RXYLT1: variants seen among roughly 807,000 people sequenced by gnomAD.
The protein encoded by RXYLT1 is ribitol-5-phosphate xylosyltransferase 1.
Under a neutral mutation model 43.5 loss-of-function variants are expected in RXYLT1, and 41 were observed. That is an observed-to-expected ratio of 0.94 (90% CI 0.73 to 1.22). RXYLT1 has a LOEUF of 1.22. Among genes scored for constraint, RXYLT1 ranks in the 50% most tolerant of loss-of-function variants. The pLI is 0.00. For missense variants in RXYLT1, 514 were observed against 532.0 expected, an observed-to-expected ratio of 0.97 and a Z score of 0.33; for synonymous variants, 166 against 194.4, an observed-to-expected ratio of 0.85 and a Z score of 1.21.
chr12:63,797,102 T>A (rs1898052219), intron 3 of RXYLT1, among the ~76,000 whole-genome samples: 1 of 151,932 alleles, frequency 6.6e-6, no homozygotes, highest in African/African-American at 2.4e-5. Context: ...TAGCTGGGAT[T>A]ACAGGCACCT....
chr12:63,784,405 G>A (rs1451770494), intron 2 of RXYLT1, among the ~76,000 whole-genome samples: 1 of 152,144 alleles, frequency 6.6e-6, no homozygotes, highest in Admixed American at 6.5e-5. Context: ...GTGAAATCAT[G>A]ATAAAACATC....
At chr12:63,799,297 CTTTTCTTTTT>C (rs1898103666) in intron 3 of RXYLT1, among the ~76,000 whole-genome samples, 2 of 118,398 alleles carry the variant, frequency 1.7e-5, no homozygotes, top group Non-Finnish European at 3.5e-5. Context: ...TTTTTCTTTT[CTTTTCTTTTT>C]TTTTTTTTTT....
chr12:63,780,295 T>A (rs1897648762), intron 1 of RXYLT1, 166 bp downstream of exon 1: 2 of 1,356,782 alleles, frequency 1.5e-6, no homozygotes, highest in East Asian at 6.1e-5. Context: ...GGCTCGGAAT[T>A]GGAGAATGGT....
At chr12:63,795,071 A>G (rs945994987) in intron 3 of RXYLT1, among the ~76,000 whole-genome samples, 1 of 152,030 alleles carries the variant, frequency 6.6e-6, no homozygotes, top group Non-Finnish European at 1.5e-5. Flanking sequence ...CAAAGCAGGC[A>G]GATCGTTTTG....
In RXYLT1 at chr12:63,798,458, T is replaced by G. The variant is rs1359173549; in HGVS notation, c.429-3633T>G. On this transcript the variant is annotated intron_variant, in intron 3 of 5. Transcript: ENST00000261234. The stretch of plus-strand genomic sequence containing the variant: ...AAACTTTCCAACACACATATGTACA[T>G]ACATACATACAACCCAGGTATCTGA... Among the ~76,000 whole-genome samples, 3 of 152,240 alleles carry G rather than the reference T, an allele frequency of 2.0e-5. No individual in the cohort carries two copies. In the East Asian group the frequency reaches 5.8e-4, roughly 29 times the overall value.
At chr12:63,806,472 T>A (rs1417034449) in intron 5 of RXYLT1, 1 of 152,220 alleles carries the variant, frequency 6.6e-6, no homozygotes, top group Non-Finnish European at 1.5e-5. Flanking sequence ...TGGGTGAGTC[T>A]TGTGTATATT....
At position 63,780,033 on chromosome 12, in the gene RXYLT1, T is replaced by G; in HGVS notation, c.73T>G (p.Tyr25Asp). 6.2e-7 allele frequency: 1 copy of G among 1,603,376 alleles called. No homozygotes were observed. Among genetic ancestry groups the G allele is most frequent in the Non-Finnish European group, 8.5e-7 (1 of 1,175,364 alleles). ...LYCLFSLYAA[Y>D]HVFFGRRRQA... ...CTGCCTATTCTCCCTCTACGCTGCC[T>G]ACCACGTCTTCTTCGGGCGCCGCCG... Residue 25 changes from tyrosine (Y) to aspartate (D), a missense_variant, in exon 1 of 6, where the codon TAC (tyrosine) becomes GAC (aspartate). By Grantham distance (160) the Tyr-to-Asp change is radical (BLOSUM62 -3). Transcript: ENST00000261234.
rs1345651464 is a variant in RXYLT1 at position 63,780,036 on chromosome 12, C to T, written c.76C>T (p.His26Tyr). Reference sequence around the variant, plus strand: ...CCTATTCTCCCTCTACGCTGCCTACCACGTCTTCTTCGGGCGCCGCCGCCA... The same window carrying T: ...CCTATTCTCCCTCTACGCTGCCTACTACGTCTTCTTCGGGCGCCGCCGCCA... ...YCLFSLYAAY[H>Y]VFFGRRRQAP... Residue 26 changes from histidine to tyrosine, a missense_variant, in exon 1 of 6, where the codon CAC (histidine) becomes TAC (tyrosine). By Grantham distance (83) the His-to-Tyr change is moderately conservative. Coordinates refer to ENST00000261234, the MANE Select transcript of RXYLT1 (RefSeq NM_014254.3). 22 of 1,608,648 alleles carry T rather than the reference C, an allele frequency of 1.4e-5. No individual in the cohort carries two copies. Among genetic ancestry groups the T allele is most frequent in the Non-Finnish European group, 1.6e-5 (19 of 1,178,450 alleles).
At chr12:63,787,048 G>T (rs1167184225) in intron 3 of RXYLT1, among the ~76,000 whole-genome samples, 1 of 152,060 alleles carries the variant, frequency 6.6e-6, no homozygotes, top group Admixed American at 6.6e-5. Context: ...GGGAGTCAGA[G>T]GATGCAGTGA....
At chr12:63,795,075 C>A (rs1042062518) in intron 3 of RXYLT1, among the ~76,000 whole-genome samples, 2 of 151,922 alleles carry the variant, frequency 1.3e-5, no homozygotes, top group Non-Finnish European at 1.5e-5. Flanking sequence ...GCAGGCAGAT[C>A]GTTTTGAGCT....
At chr12:63,780,463 G>T (rs1897654299) in intron 1 of RXYLT1, 1 of 1,150,222 alleles carries the variant, frequency 8.7e-7, no homozygotes, top group Non-Finnish European at 1.1e-6. Context: ...TCGCCGCAAG[G>T]TTTAAGACAT....
chr12:63,786,327 C>A (rs1244358632), intron 3 of RXYLT1, among the ~76,000 whole-genome samples: 1 of 152,104 alleles, frequency 6.6e-6, no homozygotes, highest in African/African-American at 2.4e-5. Flanking sequence ...TCCTTTACTT[C>A]TGAAATATTT....
chr12:63,808,626 C>T, intron 5 of RXYLT1, 49 bp from the exon 6 acceptor site: 1 of 1,566,518 alleles, frequency 6.4e-7, no homozygotes, highest in Non-Finnish European at 8.6e-7. Flanking sequence ...TGTTCACAAA[C>T]TATATACTTA....
chr12:63,783,338 G>A (rs185584922), intron 2 of RXYLT1, among the ~76,000 whole-genome samples: 225 of 152,232 alleles, frequency 1.5e-3, no homozygotes, highest in Non-Finnish European at 2.5e-3. Flanking sequence ...GCACGTGCCT[G>A]TAATCCCAGC....
At chr12:63,792,649 C>T (rs1292559850) in intron 3 of RXYLT1, among the ~76,000 whole-genome samples, 6 of 152,158 alleles carry the variant, frequency 3.9e-5, no homozygotes, top group Non-Finnish European at 4.4e-5. Flanking sequence ...TCAACAGCAA[C>T]ATATGAAGTG....
chr12:63,796,266 A>T (rs941953134), intron 3 of RXYLT1, among the ~76,000 whole-genome samples: 14 of 152,308 alleles, frequency 9.2e-5, no homozygotes, highest in African/African-American at 3.1e-4. Context: ...TTTGGTTCCG[A>T]ATACCTCAGA....
chr12:63,780,092 G>C lies in RXYLT1; in HGVS notation c.132G>C (p.Arg44Ser), dbSNP rs1245125529. The C allele has an allele frequency of 1.9e-6, 3 of 1,569,724 alleles. No homozygotes were observed. Among genetic ancestry groups the C allele is most frequent in the Non-Finnish European group, 2.6e-6 (3 of 1,161,818 alleles). Reference protein sequence around the residue: ...QAPAGSPRGLRKGAAPARERR... With the variant: ...QAPAGSPRGLSKGAAPARERR... ...CGGCCGGGTCCCCGCGGGGCCTCAG[G>C]AAGGGGGCGGCCCCCGCGCGGGAGA... The change falls in exon 1 of 6, where the codon AGG becomes AGC. Residue 44 changes from arginine (R) to serine (S), a missense_variant. Transcript: ENST00000261234.
intron 2 of RXYLT1, among the ~76,000 whole-genome samples, chr12:63,782,919 G>C (rs548714256): frequency 6.6e-6 from 1 of 152,196 alleles, no homozygotes; most frequent in South Asian, 2.1e-4. Flanking sequence ...GTTCCCTTTT[G>C]CTTAACAGTT....
chr12:63,799,177 T>C (rs1898100364), intron 3 of RXYLT1, among the ~76,000 whole-genome samples: 1 of 152,214 alleles, frequency 6.6e-6, no homozygotes. Context: ...CTTCATTTTG[T>C]TAATTTGTGT....
Sources: gnomAD v4.1 joint callset for allele counts (sites outside exome capture counted in the v4.1 genomes callset) on GRCh38, gnomAD v4.1.1 for gene constraint, MANE v1.5 for transcripts, NCBI Gene and HGNC (gene_info 2026-07-23, HGNC 2026-07-21) for gene names.